The following CA10 variants were observed in gnomAD, a reference collection of about 807,000 sequenced individuals.
CA10 encodes carbonic anhydrase-related protein 10.
A neutral mutation model predicts 44.2 loss-of-function variants in CA10; 14 were observed. The observed-to-expected ratio is 0.32, with a 90% confidence interval of 0.21 to 0.50. The LOEUF (loss-of-function observed/expected upper bound fraction) is 0.50. CA10 is among the 20% of genes least tolerant of loss of function. The pLI, the probability that CA10 is intolerant of heterozygous loss-of-function variation, is 0.99. For synonymous variants in CA10, 159 were observed against 141.6 expected (o/e 1.12, Z -0.87); for missense variants, 350 against 409.7 (o/e 0.85, Z 1.26).
chr17:51,634,229 G>A (rs1021535471), intron 7 of CA10, among the ~76,000 whole-genome samples: 6 of 152,178 alleles, frequency 3.9e-5, no homozygotes, highest in African/African-American at 7.2e-5. Flanking sequence ...AAGCACTTCT[G>A]GGGTTCCCAT....
chr17:52,076,272 C>A (rs903114529), intron 1 of CA10, among the ~76,000 whole-genome samples: 2 of 152,080 alleles, frequency 1.3e-5, no homozygotes, highest in African/African-American at 2.4e-5. Flanking sequence ...TTGGCACTGA[C>A]AAGATTATCA....
intron 1 of CA10, among the ~76,000 whole-genome samples, chr17:52,093,464 G>C (rs62068650): frequency 1.3e-5 from 2 of 152,144 alleles, no homozygotes; most frequent in Non-Finnish European, 2.9e-5. Context: ...CTTTGTTGCT[G>C]TGAATTGAAA....
intron 3 of CA10, among the ~76,000 whole-genome samples, chr17:51,791,051 G>T (rs1906500387): frequency 6.6e-6 from 1 of 152,172 alleles, no homozygotes; most frequent in African/African-American, 2.4e-5. Context: ...TTTAGCCTTA[G>T]TTTCTGCATT....
intron 2 of CA10, among the ~76,000 whole-genome samples, chr17:51,962,422 C>T (rs203023): frequency 0.48 from 72,687 of 152,046 alleles, 17,927 homozygotes; most frequent in African/African-American, 0.56. Flanking sequence ...CATCTGGGTC[C>T]CCAAACCCCT....
At chr17:51,643,012 C>T (rs575439157) in intron 6 of CA10, among the ~76,000 whole-genome samples, 4 of 152,038 alleles carry the variant, frequency 2.6e-5, no homozygotes, top group South Asian at 4.1e-4. Flanking sequence ...TGGGGGCATG[C>T]GACACTGAAG....
intron 2 of CA10, among the ~76,000 whole-genome samples, chr17:52,051,753 T>C (rs1987077945): frequency 6.6e-6 from 1 of 152,084 alleles, no homozygotes; most frequent in Non-Finnish European, 1.5e-5. Flanking sequence ...AGAAATACCA[T>C]TCAACTCAGC....
At chr17:52,079,314 C>T (rs995065064) in intron 1 of CA10, among the ~76,000 whole-genome samples, 2 of 151,860 alleles carry the variant, frequency 1.3e-5, no homozygotes, top group Non-Finnish European at 2.9e-5. Context: ...CAAAAATTAG[C>T]AGGGTGTGGT....
chr17:51,666,223 G>A (rs528595455), intron 4 of CA10, among the ~76,000 whole-genome samples: 45 of 152,338 alleles, frequency 3.0e-4, no homozygotes, highest in Admixed American at 3.9e-4. Context: ...ACATATGCAA[G>A]TGTCCTGTAG....
At chr17:52,144,809 G>A (rs1368090510) in intron 1 of CA10, among the ~76,000 whole-genome samples, 2 of 152,026 alleles carry the variant, frequency 1.3e-5, no homozygotes, top group African/African-American at 2.4e-5. Flanking sequence ...CAGCCATATC[G>A]AAAGCAAAAG....
intron 2 of CA10, among the ~76,000 whole-genome samples, chr17:51,949,120 T>G (rs1291221203): frequency 6.6e-6 from 1 of 152,220 alleles, no homozygotes; most frequent in Non-Finnish European, 1.5e-5. Context: ...ATCTTTAGCA[T>G]AAGTAATTGG....
intron 2 of CA10, among the ~76,000 whole-genome samples, chr17:52,051,196 C>T (rs747532950): frequency 6.6e-6 from 1 of 151,824 alleles, no homozygotes; most frequent in African/African-American, 2.4e-5. Flanking sequence ...GGCACGTAAA[C>T]CCTGGAAGAC....
chr17:51,819,493 T>G (rs1049764032), intron 3 of CA10, among the ~76,000 whole-genome samples: 1 of 152,216 alleles, frequency 6.6e-6, no homozygotes, highest in African/African-American at 2.4e-5. Context: ...ACAGGCTCGC[T>G]GGCTTACACA....
At chr17:51,817,788 A>G (rs533720046) in intron 3 of CA10, among the ~76,000 whole-genome samples, 1 of 152,320 alleles carries the variant, frequency 6.6e-6, no homozygotes, top group South Asian at 2.1e-4. Context: ...TGCAGAAGAT[A>G]TGCTCACGCC....
intron 3 of CA10, among the ~76,000 whole-genome samples, chr17:51,795,821 T>G (rs1906683652): frequency 6.6e-6 from 1 of 152,236 alleles, no homozygotes; most frequent in Non-Finnish European, 1.5e-5. Context: ...TGGGCAGTTG[T>G]AGGAAGGAAT....
At chr17:52,016,028 C>G (rs1436875029) in intron 2 of CA10, among the ~76,000 whole-genome samples, 2 of 151,986 alleles carry the variant, frequency 1.3e-5, no homozygotes, top group African/African-American at 4.8e-5. Flanking sequence ...TCTACTTCTG[C>G]TCACCTTGGA....
intron 2 of CA10, among the ~76,000 whole-genome samples, chr17:52,048,539 A>G (rs1277724387): frequency 6.6e-6 from 1 of 152,060 alleles, no homozygotes; most frequent in East Asian, 1.9e-4. Flanking sequence ...TCAGAATTGA[A>G]TTTGATCATT....
chr17:51,675,174 C>T (rs182263830), intron 4 of CA10, among the ~76,000 whole-genome samples: 2 of 152,318 alleles, frequency 1.3e-5, no homozygotes, highest in African/African-American at 4.8e-5. Flanking sequence ...CATAGTCCCC[C>T]AAACTGCCAT....
chr17:51,850,973 C>T (rs1235781379), intron 3 of CA10, among the ~76,000 whole-genome samples: 2 of 152,180 alleles, frequency 1.3e-5, no homozygotes, highest in African/African-American at 2.4e-5. Context: ...GGGCAAGCTG[C>T]CCCTTCTTCC....
intron 4 of CA10, among the ~76,000 whole-genome samples, chr17:51,714,200 A>T (rs904090757): frequency 6.6e-6 from 1 of 152,182 alleles, no homozygotes; most frequent in East Asian, 1.9e-4. Flanking sequence ...TGATATTATT[A>T]TATGTTACCA....
Sources: gnomAD v4.1 joint callset for allele counts (sites outside exome capture counted in the v4.1 genomes callset) on GRCh38, gnomAD v4.1.1 for gene constraint, MANE v1.5 for transcripts, NCBI Gene and HGNC (gene_info 2026-07-23, HGNC 2026-07-21) for gene names.